CCDC30: variants seen among roughly 807,000 people sequenced by gnomAD.
CCDC30 encodes the protein coiled-coil domain containing 30, also known as coiled-coil domain-containing protein 30.
CCDC30 carries 70 observed loss-of-function variants against 100.2 expected under a neutral mutation model. The observed-to-expected ratio is 0.70, with a 90% CI of 0.58 to 0.85. The LOEUF is 0.85. Among genes scored for constraint, CCDC30 ranks in the 40% least tolerant of loss-of-function variants. CCDC30 has a pLI of 0.00. For missense variants in CCDC30, 652 were observed against 771.2 expected, an observed-to-expected ratio of 0.85 and a Z score of 1.83; for synonymous variants, 233 against 269.5, an observed-to-expected ratio of 0.86 and a Z score of 1.33.
intron 4 of CCDC30, among the ~76,000 whole-genome samples, chr1:42,491,096 C>T (rs1041342240): frequency 1.3e-5 from 2 of 151,952 alleles, no homozygotes; most frequent in African/African-American, 2.4e-5. Context: ...CTACACATAG[C>T]CTCCTTTTAA....
intron 6 of CCDC30, chr1:42,509,948 C>A: frequency 1.7e-6 from 1 of 603,548 alleles, no homozygotes; most frequent in Non-Finnish European, 2.1e-6. Context: ...CCAAGCTCAA[C>A]TCTAAGCAAA....
Position 42,529,902 on chromosome 1 carries a change from A to C in CCDC30, c.456+30986A>C, listed in dbSNP as rs1050058274. Among the ~76,000 whole-genome samples, 66 of 152,238 alleles carry C rather than the reference A, an allele frequency of 4.3e-4. 1 individual carries two copies. The highest frequency in any genetic ancestry group is 2.7e-3 in the Admixed American group (41 of 15,284). On this transcript the variant is annotated intron_variant, in intron 6 of 16. Transcript: ENST00000668663. Reference sequence around the variant, plus strand: ...CTACCTGCAGTCAACTGCAGACTGAAAATATTAAATGCAAAATTCCATAAA... The same window carrying C: ...CTACCTGCAGTCAACTGCAGACTGACAATATTAAATGCAAAATTCCATAAA...
the CCDC30 span, chr1:42,457,100 G>C: frequency 6.3e-7 from 1 of 1,577,000 alleles, no homozygotes; most frequent in Admixed American, 1.7e-5. Flanking sequence ...TACCCCTTTT[G>C]CCTGGAAGCA....
chr1:42,522,963 G>T (rs1476915510), intron 6 of CCDC30, among the ~76,000 whole-genome samples: 1 of 151,958 alleles, frequency 6.6e-6, no homozygotes, highest in Non-Finnish European at 1.5e-5. Context: ...CCGAGTAGCT[G>T]GGATTACAGG....
Position 42,644,692 on chromosome 1 carries a change from G to T in CCDC30, c.1557-1G>T. Reference sequence around the variant, plus strand: ...ATGCCACTGATTTATGCCATTCTTAGGGTACTTTACATGGATAAAGAAAAT... The same window carrying T: ...ATGCCACTGATTTATGCCATTCTTATGGTACTTTACATGGATAAAGAAAAT... On this transcript the variant is annotated splice_acceptor_variant, in intron 13 of 16. Transcript: ENST00000668663. LOFTEE classifies it high-confidence loss of function. 6.4e-7 allele frequency: 1 copy of T among 1,550,962 alleles called. No homozygotes were observed. The highest frequency in any genetic ancestry group is 1.4e-5 in the African/African-American group (1 of 73,692).
intron 6 of CCDC30, among the ~76,000 whole-genome samples, chr1:42,560,069 A>T (rs1254160513): frequency 6.6e-6 from 1 of 152,176 alleles, no homozygotes; most frequent in African/African-American, 2.4e-5. Context: ...TTAAAGCAGA[A>T]ATCAAGAAGT....
intron 6 of CCDC30, 180 bp downstream of exon 7, chr1:42,536,781 G>A: frequency 1.9e-6 from 1 of 531,886 alleles, no homozygotes; most frequent in Non-Finnish European, 3.3e-6. Flanking sequence ...AGGAGGGGAA[G>A]TCCAAGATCA....
the CCDC30 span, chr1:42,456,491 G>A: frequency 1.3e-5 from 18 of 1,396,592 alleles, no homozygotes; most frequent in African/African-American, 4.4e-5. Flanking sequence ...GGCGCGGCGC[G>A]TACACCAGGT....
intron 11 of CCDC30, among the ~76,000 whole-genome samples, chr1:42,616,367 G>A (rs956696304): frequency 6.6e-6 from 1 of 152,180 alleles, no homozygotes; most frequent in African/African-American, 2.4e-5. Context: ...CAGGGTCTGT[G>A]GATCAATACT....
chr1:42,613,543 C>T (rs1180335504), intron 11 of CCDC30, among the ~76,000 whole-genome samples: 1 of 152,128 alleles, frequency 6.6e-6, no homozygotes, highest in Admixed American at 6.5e-5. Flanking sequence ...CGTGAGCCAC[C>T]GTGCCCGGCC....
At chr1:42,526,933 G>C (rs1644732043) in intron 6 of CCDC30, among the ~76,000 whole-genome samples, 1 of 152,064 alleles carries the variant, frequency 6.6e-6, no homozygotes, top group Admixed American at 6.5e-5. Context: ...ACCTTTCCCA[G>C]AAAGATGATT....
chr1:42,501,477 T>G (rs111915502), intron 6 of CCDC30, among the ~76,000 whole-genome samples: 20,719 of 152,256 alleles, frequency 0.14, 1,550 homozygotes, highest in East Asian at 0.18. Context: ...TCTGTGTCCA[T>G]CTTTGTTCCA....
intron 4 of CCDC30, among the ~76,000 whole-genome samples, chr1:42,495,103 AC>A (rs1644210652): frequency 1.3e-5 from 2 of 148,400 alleles, no homozygotes; most frequent in African/African-American, 5.0e-5. Flanking sequence ...CTTGGAACCA[AC>A]CCAAATGTCC....
Position 42,644,071 on chromosome 1 carries a change from G to A in CCDC30, c.1557-622G>A, listed in dbSNP as rs192449273. ...AGAAGTTTATTAACTTTTACTTGGT[G>A]TATTAGGGTTCTCTTAGAGGAAAAG... On this transcript the variant is annotated intron_variant, in intron 13 of 16. Transcript: ENST00000668663. 1.3e-4 allele frequency among the ~76,000 whole-genome samples: 20 copies of A among 152,232 alleles called. No homozygotes were observed. In the East Asian group the frequency reaches 3.1e-3, roughly 23 times the overall value.
intron 6 of CCDC30, among the ~76,000 whole-genome samples, chr1:42,518,312 C>T (rs1209403466): frequency 6.6e-6 from 1 of 152,050 alleles, no homozygotes; most frequent in African/African-American, 2.4e-5. Context: ...TGTGTGTTGA[C>T]TTCATGTCCT....
At chr1:42,637,943 A>G (rs1279195933) in intron 12 of CCDC30, among the ~76,000 whole-genome samples, 2 of 152,238 alleles carry the variant, frequency 1.3e-5, no homozygotes, top group Non-Finnish European at 2.9e-5. Context: ...TGACTAGGCC[A>G]GTAAGGTTTT....
chr1:42,566,438 A>G, exon 7 of CCDC30: 2 of 1,613,996 alleles, frequency 1.2e-6, no homozygotes, highest in Non-Finnish European at 1.7e-6. Flanking sequence ...TTGGACTTAA[A>G]GCAACATAAT....
intron 8 of CCDC30, among the ~76,000 whole-genome samples, chr1:42,580,599 T>C (rs950386332): frequency 6.6e-6 from 1 of 152,118 alleles, no homozygotes; most frequent in Non-Finnish European, 1.5e-5. Flanking sequence ...GTAAAGGAAA[T>C]TTATCTTTAA....
intron 15 of CCDC30, among the ~76,000 whole-genome samples, chr1:42,648,874 T>G (rs1648106899): frequency 6.6e-6 from 1 of 151,322 alleles, no homozygotes; most frequent in African/African-American, 2.4e-5. Context: ...ACATAACAAC[T>G]GAGATCTCAG....
Sources: allele counts gnomAD v4.1 joint callset (sites outside exome capture counted in the v4.1 genomes callset), GRCh38; gene constraint gnomAD v4.1.1; transcripts MANE v1.5; gene names NCBI Gene and HGNC (gene_info 2026-07-23, HGNC 2026-07-21).